The following POLN variants were observed in gnomAD, a reference collection of about 807,000 sequenced individuals.
The protein encoded by POLN is DNA polymerase N.
In POLN, 108 loss-of-function variants were observed where a neutral mutation model predicts 113.5. The ratio of observed to expected loss-of-function variants is 0.95; its 90% CI spans 0.81 to 1.12. The LOEUF (loss-of-function observed/expected upper bound fraction) is 1.12. POLN is among the 50% of genes most tolerant of loss of function. The probability of loss-of-function intolerance (pLI) is 0.00; values close to 1 mark genes in which losing one functional copy is unlikely to be tolerated. For missense variants in POLN, 1,097 were observed against 1,077.1 expected (o/e 1.02, Z -0.26); for synonymous variants, 386 against 391.5 (o/e 0.99, Z 0.17).
chr4:2,210,532 G>T (rs1250150394), intron 4 of POLN, among the ~76,000 whole-genome samples: 1 of 150,086 alleles, frequency 6.7e-6, no homozygotes, highest in Non-Finnish European at 1.5e-5. Context: ...AGTGAGCCGT[G>T]GTCACACCAC....
chr4:2,097,692 G>A (rs900454952), intron 19 of POLN, among the ~76,000 whole-genome samples: 4 of 152,090 alleles, frequency 2.6e-5, no homozygotes, highest in African/African-American at 9.7e-5. Flanking sequence ...TTTTTTAGAG[G>A]TAGGGTCTTG....
intron 7 of POLN, among the ~76,000 whole-genome samples, chr4:2,192,952 A>T (rs1241059749): frequency 6.6e-6 from 1 of 152,146 alleles, no homozygotes; most frequent in East Asian, 1.9e-4. Context: ...AATCTCACTG[A>T]CCATGCTACA....
intron 6 of POLN, among the ~76,000 whole-genome samples, chr4:2,196,237 T>C (rs377034569): frequency 1.3e-5 from 2 of 152,238 alleles, no homozygotes; most frequent in African/African-American, 4.8e-5. Flanking sequence ...TAGTGTCCTA[T>C]ATTTTAATTT....
At chr4:2,177,042 G>A (rs1309372930) in intron 8 of POLN, among the ~76,000 whole-genome samples, 3 of 152,170 alleles carry the variant, frequency 2.0e-5, no homozygotes, top group Non-Finnish European at 4.4e-5. Flanking sequence ...CCTTGGCATT[G>A]TTTTCTAGTC....
chr4:2,104,906 G>C (rs553643547), intron 19 of POLN, among the ~76,000 whole-genome samples: 2 of 152,222 alleles, frequency 1.3e-5, no homozygotes, highest in African/African-American at 4.8e-5. Context: ...CTATCAGGGT[G>C]GCAGGGAATC....
intron 16 of POLN, among the ~76,000 whole-genome samples, chr4:2,140,643 G>T (rs1219041651): frequency 6.6e-6 from 1 of 152,022 alleles, no homozygotes; most frequent in Admixed American, 6.5e-5. Context: ...AGCTACTCAG[G>T]AGGCTGAGGC....
At chr4:2,144,408 G>A (rs1732083149) in intron 16 of POLN, among the ~76,000 whole-genome samples, 1 of 152,034 alleles carries the variant, frequency 6.6e-6, no homozygotes, top group African/African-American at 2.4e-5. Flanking sequence ...CTCCCCAAGT[G>A]CCGGGATTAC....
intron 16 of POLN, 142 bp downstream of exon 16, chr4:2,156,646 T>G: frequency 7.0e-6 from 5 of 714,874 alleles, no homozygotes; most frequent in Non-Finnish European, 1.0e-5. Context: ...GTTCTCAGAA[T>G]AAACAGAATA....
At chr4:2,218,679 G>C (rs1162299134) in intron 3 of POLN, among the ~76,000 whole-genome samples, 1 of 152,172 alleles carries the variant, frequency 6.6e-6, no homozygotes, top group East Asian at 1.9e-4. Context: ...GGGGCAAGGT[G>C]CAAATTTATA....
intron 16 of POLN, among the ~76,000 whole-genome samples, chr4:2,141,295 G>C (rs1408824746): frequency 6.6e-6 from 1 of 152,210 alleles, no homozygotes; most frequent in Non-Finnish European, 1.5e-5. Flanking sequence ...GAAAGCACTT[G>C]GTCAGTGTGG....
At chr4:2,087,335 A>G (rs1730572712) in intron 20 of POLN, among the ~76,000 whole-genome samples, 1 of 152,164 alleles carries the variant, frequency 6.6e-6, no homozygotes, top group South Asian at 2.1e-4. Context: ...TCAAATTCCA[A>G]CCACCATCCT....
intron 16 of POLN, among the ~76,000 whole-genome samples, chr4:2,140,429 T>G (rs1269032013): frequency 6.6e-6 from 1 of 152,208 alleles, no homozygotes; most frequent in Non-Finnish European, 1.5e-5. Context: ...AACTCTTATT[T>G]CTGCTGACTG....
chr4:2,103,233 A>G (rs539620697), intron 19 of POLN, among the ~76,000 whole-genome samples: 142 of 152,236 alleles, frequency 9.3e-4, no homozygotes, highest in African/African-American at 3.4e-3. Context: ...TTACCAAAGA[A>G]ATAGATATCT....
chr4:2,193,325 T>C lies in POLN; in HGVS notation c.909-9A>G, dbSNP rs369132451. The C allele has an allele frequency of 4.5e-6, 7 of 1,540,500 alleles. No homozygotes were observed. The highest frequency in any genetic ancestry group is 1.4e-5 in the African/African-American group (1 of 70,624). On this transcript the variant is annotated splice_polypyrimidine_tract_variant and intron_variant, in intron 6 of 25. Coordinates refer to ENST00000511885, the MANE Select transcript of POLN (RefSeq NM_181808.4). Reference sequence around the variant, plus strand: ...TTTGAAATAGCACGTTCCTAGAAGATGAAAAGAAATTCACTGATTTAAACA... The same window carrying C: ...TTTGAAATAGCACGTTCCTAGAAGACGAAAAGAAATTCACTGATTTAAACA...
chr4:2,139,185 G>A (rs1731935212), intron 16 of POLN, among the ~76,000 whole-genome samples: 1 of 152,236 alleles, frequency 6.6e-6, no homozygotes, highest in Admixed American at 6.5e-5. Context: ...CAGCAGGGCA[G>A]AGTGGGGAGA....
rs114787879 is a variant in POLN at position 2,075,253 on chromosome 4, C to T, written c.2455+199G>A. 6.1e-3 allele frequency among the ~76,000 whole-genome samples: 924 copies of T among 152,348 alleles called. 14 individuals carry two copies. Among genetic ancestry groups the T allele is most frequent in the African/African-American group, 0.02 (842 of 41,578 alleles). ...GGCTGGTGGCCCAGGGTGGAGCCCA[C>T]TTGGGCCTTTCAAGGGTCCCCAAAC... On this transcript the variant is annotated intron_variant, in intron 24 of 25. Coordinates refer to ENST00000511885, the MANE Select transcript of POLN (RefSeq NM_181808.4).
At chr4:2,231,184 T>C (rs541484507) in intron 2 of POLN, 140 of 152,326 alleles carry the variant, frequency 9.2e-4, no homozygotes, top group African/African-American at 2.9e-3. Flanking sequence ...CAGGGAATTA[T>C]GGAGGAATAC....
Position 2,208,188 on chromosome 4 carries a change from T to A in POLN, c.513A>T (p.Gln171His). ...CATCAGTATCTTCTTCCAATGCCAT[T>A]TGTTTACTTGTTTTCTCTGACAAAT... ...YNNLSEKTSK[Q>H]MALEEDTDDA... The change falls in exon 5 of 26, where the codon CAA becomes CAT. Residue 171 changes from glutamine (Q) to histidine (H), a missense_variant. Transcript: ENST00000511885. 11 of 1,610,536 alleles carry A rather than the reference T, an allele frequency of 6.8e-6. No individual in the cohort carries two copies. The highest frequency in any genetic ancestry group is 9.3e-6 in the Non-Finnish European group (11 of 1,176,818).
intron 13 of POLN, among the ~76,000 whole-genome samples, chr4:2,164,676 A>G (rs1395766456): frequency 1.4e-5 from 2 of 143,808 alleles, no homozygotes; most frequent in Non-Finnish European, 3.1e-5. Flanking sequence ...GGTGGTACAC[A>G]CCTGTAGTCC....
Sources: allele counts gnomAD v4.1 joint callset (sites outside exome capture counted in the v4.1 genomes callset), GRCh38; gene constraint gnomAD v4.1.1; transcripts MANE v1.5; gene names NCBI Gene and HGNC (gene_info 2026-07-23, HGNC 2026-07-21).